Variants in CFAP46 observed in about 807,000 individuals in gnomAD.
CFAP46 encodes the protein cilia and flagella associated protein 46.
A neutral mutation model predicts 325.7 loss-of-function variants in CFAP46; 245 were observed. The ratio of observed to expected loss-of-function variants is 0.75; its 90% CI spans 0.68 to 0.84. The LOEUF (loss-of-function observed/expected upper bound fraction) is 0.84, where lower values mean the gene tolerates loss of function less well. Among genes scored for constraint, CFAP46 ranks in the 40% least tolerant of loss-of-function variants. The pLI, the probability that CFAP46 is intolerant of heterozygous loss-of-function variation, is 0.00. For synonymous variants in CFAP46, 1,523 were observed against 1,495.9 expected (o/e 1.02, Z -0.42); for missense variants, 3,346 against 3,543.0 (o/e 0.94, Z 1.41).
rs1309815024 is a variant in CFAP46 at position 132,818,307 on chromosome 10, C to T, written c.7118-3393G>A. Among the ~76,000 whole-genome samples the T allele has an allele frequency of 3.3e-5, 5 of 152,018 alleles. No individual in the cohort carries two copies. The East Asian group carries it at 9.7e-4, about 29-fold the overall frequency. On this transcript the variant is annotated intron_variant, in intron 50 of 57. Transcript: ENST00000368586. Reference sequence around the variant, plus strand: ...ACTTCACACTCCACAGAGTCCATCTCGGATGGCAGTTAGGTGGAAACGTGA... The same window carrying T: ...ACTTCACACTCCACAGAGTCCATCTTGGATGGCAGTTAGGTGGAAACGTGA...
intron 44 of CFAP46, among the ~76,000 whole-genome samples, chr10:132,842,398 C>G (rs1848360055): frequency 6.6e-6 from 1 of 152,234 alleles, no homozygotes; most frequent in African/African-American, 2.4e-5. Context: ...GCATTCTGGT[C>G]ACGACCACTT....
At chr10:132,859,385 C>T in intron 37 of CFAP46, 138 bp from the exon 38 acceptor site, 1 of 696,044 alleles carries the variant, frequency 1.4e-6, no homozygotes, top group South Asian at 1.9e-5. Context: ...TCTCGAAAAT[C>T]AACATCATAT....
chr10:132,891,260 T>A (rs1273339525), intron 25 of CFAP46, among the ~76,000 whole-genome samples: 1 of 152,168 alleles, frequency 6.6e-6, no homozygotes, highest in East Asian at 1.9e-4. Context: ...ACCGACTGAA[T>A]GGGCCCTCCT....
chr10:132,846,040 C>T lies in CFAP46; in HGVS notation c.6438+17G>A. ...CCAGAGCTGGGGGCAGGTTCAGCGG[C>T]ATCCGTGCCCGCTTACCTTGGACAC... On this transcript the variant is annotated intron_variant, in intron 44 of 57. Transcript: ENST00000368586. The T allele has an allele frequency of 6.3e-7, 1 of 1,595,272 alleles. No individual in the cohort carries two copies. The highest frequency in any genetic ancestry group is 8.5e-7 in the Non-Finnish European group (1 of 1,176,538).
chr10:132,869,308 C>T lies in CFAP46; in HGVS notation c.4576G>A (p.Gly1526Arg), dbSNP rs1298288024. The change falls in exon 33 of 58, where the codon GGG (glycine) becomes AGG (arginine). Residue 1526 changes from glycine (G) to arginine (R), a missense_variant. Transcript: ENST00000368586. This position sits in a 1 kb window ranked among gnomAD's most constrained non-coding sequence, Gnocchi z 6.2. Reference protein sequence around the residue: ...EAAARHEEAVGQVCVSELEQA... With the variant: ...EAAARHEEAVRQVCVSELEQA... ...TCCAGCTCGCTGACGCACACCTGCC[C>T]GACCGCCTCTTCATGGCGCGCGGCT... 3.6e-5 allele frequency: 56 copies of T among 1,539,412 alleles called. 1 individual carries two copies. Among genetic ancestry groups the T allele is most frequent in the Middle Eastern group, 3.9e-4 (2 of 5,130 alleles).
chr10:132,942,490 C>T lies in CFAP46; in HGVS notation c.-6G>A. On this transcript the variant is annotated 5_prime_UTR_variant, in exon 1 of 58. Coordinates refer to ENST00000368586, the MANE Select transcript of CFAP46 (RefSeq NM_001200049.3). ...TGCGTGATGACCAGGTCCATGGCGC[C>T]GGCGCCCTGCTCGTCCGCTCTCTCC... is the stretch of plus-strand genomic sequence containing the variant. The T allele has an allele frequency of 7.9e-7, 1 of 1,265,586 alleles. No homozygotes were observed. Among genetic ancestry groups the T allele is most frequent in the Non-Finnish European group, 9.9e-7 (1 of 1,009,042 alleles). 78.4% of individuals were successfully genotyped at this position (1,265,586 alleles called of 1,614,324 possible).
chr10:132,908,814 T>C (rs1365467087), intron 21 of CFAP46, among the ~76,000 whole-genome samples, 180 bp from the exon 22 acceptor site: 1 of 152,186 alleles, frequency 6.6e-6, no homozygotes, highest in African/African-American at 2.4e-5. Context: ...CTGATGTCCT[T>C]GTAGCTCCCA....
chr10:132,857,785 T>C lies in CFAP46; in HGVS notation c.5379A>G (p.Leu1793=). 1 of 1,536,566 alleles carries C rather than the reference T, an allele frequency of 6.5e-7. No homozygotes were observed. Among genetic ancestry groups the C allele is most frequent in the Non-Finnish European group, 8.8e-7 (1 of 1,142,450 alleles). The change falls in exon 39 of 58, where the codon TTA becomes TTG. Residue 1793 remains leucine, a synonymous_variant. Transcript: ENST00000368586. ...VKLERAKIKR[L]RAQNEKDEEQ... ...CTTCATCTTTCTCGTTCTGGGCACG[T>C]AACCTTTATAAGACATAAGAATGGA...
intron 50 of CFAP46, among the ~76,000 whole-genome samples, chr10:132,819,734 A>C (rs1847759611): frequency 6.6e-6 from 1 of 152,216 alleles, no homozygotes; most frequent in Admixed American, 6.5e-5. Context: ...ATCTACAAAA[A>C]CCAACTCAAA....
chr10:132,925,097 G>C (rs1038026346), intron 10 of CFAP46, among the ~76,000 whole-genome samples: 26 of 152,244 alleles, frequency 1.7e-4, no homozygotes, highest in African/African-American at 6.3e-4. Context: ...AGGAGGCTTG[G>C]CGGTGCCCAC....
chr10:132,820,037 T>C (rs953302294), intron 50 of CFAP46, among the ~76,000 whole-genome samples: 6 of 152,120 alleles, frequency 3.9e-5, no homozygotes, highest in African/African-American at 1.2e-4. Context: ...TATAATACAA[T>C]AGTAAAAAAC....
chr10:132,831,226 G>C (rs1848142136), intron 50 of CFAP46, among the ~76,000 whole-genome samples: 3 of 151,444 alleles, frequency 2.0e-5, no homozygotes, highest in Admixed American at 2.0e-4. Flanking sequence ...TGTTCTGTGT[G>C]TGTGTGTGTG....
At chr10:132,940,296 T>C (rs902708206) in intron 4 of CFAP46, among the ~76,000 whole-genome samples, 1 of 152,112 alleles carries the variant, frequency 6.6e-6, no homozygotes, top group African/African-American at 2.4e-5. Flanking sequence ...ATATGTGATA[T>C]ATGTTCAAGC....
In CFAP46 at chr10:132,843,667, G is replaced by A. The variant is rs561281787; in HGVS notation, c.6438+2390C>T. ...CTGTGGGGCTCTGGTCTCGGTGGGC[G>A]TTCCCAGGGTGCTGTGGGGCTGCTG... On this transcript the variant is annotated intron_variant, in intron 44 of 57. Transcript: ENST00000368586. Among the ~76,000 whole-genome samples, 170 of 130,100 alleles carry A rather than the reference G, an allele frequency of 1.3e-3. 1 individual carries two copies. Among genetic ancestry groups the A allele is most frequent in the African/African-American group, 4.5e-3 (158 of 34,986 alleles). 85.4% of individuals were successfully genotyped at this position (130,100 alleles called of 152,430 possible). A position where few individuals can be genotyped will look rare whatever the true frequency, so the allele number is the denominator to read the frequency against.
At chr10:132,902,763 C>G (rs1849408629) in intron 22 of CFAP46, among the ~76,000 whole-genome samples, 1 of 152,180 alleles carries the variant, frequency 6.6e-6, no homozygotes, top group Non-Finnish European at 1.5e-5. Flanking sequence ...TGTCCACTTC[C>G]TTTAAAGAGT....
In CFAP46 at chr10:132,919,929, G is replaced by C; in HGVS notation, c.1730+130C>G. ...GCAGGGACCTCGTCCCACCATCCTG[G>C]AGCAGGTGGCCTGGCGAGTCCCCAG... is the stretch of plus-strand genomic sequence containing the variant. On this transcript the variant is annotated intron_variant, in intron 14 of 57. Transcript: ENST00000368586. The surrounding 1 kb of genome is among the most constrained non-coding windows in gnomAD (Gnocchi z 9.7). 1 of 1,239,372 alleles carries C rather than the reference G, an allele frequency of 8.1e-7. No individual in the cohort carries two copies. Among genetic ancestry groups the C allele is most frequent in the African/African-American group, 1.5e-5 (1 of 64,988 alleles). 76.8% of individuals were successfully genotyped at this position (1,239,372 alleles called of 1,614,324 possible). A position where few individuals can be genotyped will look rare whatever the true frequency, so the allele number is the denominator to read the frequency against.
intron 12 of CFAP46, 80 bp from the exon 13 acceptor site, chr10:132,922,304 CT>C: frequency 6.7e-7 from 1 of 1,501,318 alleles, no homozygotes; most frequent in East Asian, 2.5e-5. Context: ...GCCTCCTGGC[CT>C]TTGGCAGGGG....
intron 13 of CFAP46, among the ~76,000 whole-genome samples, chr10:132,920,893 G>T (rs558402898): frequency 6.6e-6 from 1 of 152,228 alleles, no homozygotes; most frequent in Non-Finnish European, 1.5e-5. Flanking sequence ...AGCAGCACAC[G>T]CCCATGAGTG....
chr10:132,889,660 C>T lies in CFAP46; in HGVS notation c.3304+2673G>A, dbSNP rs1849227253. On this transcript the variant is annotated intron_variant, in intron 25 of 57. Coordinates refer to ENST00000368586, the MANE Select transcript of CFAP46 (RefSeq NM_001200049.3). The surrounding 1 kb of genome is among the most constrained non-coding windows in gnomAD (Gnocchi z 6.0). ...TGTCCTGGGACCACCCAGTACACATCCAATTCACGGGCGGAGGCACTGCAG... is the reference window on the plus strand; with the variant it reads ...TGTCCTGGGACCACCCAGTACACATTCAATTCACGGGCGGAGGCACTGCAG... Among the ~76,000 whole-genome samples, 1 of 152,200 alleles carries T rather than the reference C, an allele frequency of 6.6e-6. No homozygotes were observed.
Sources: allele counts gnomAD v4.1 joint callset (sites outside exome capture counted in the v4.1 genomes callset), GRCh38; gene constraint gnomAD v4.1.1; non-coding constraint Gnocchi (gnomAD v3.1); transcripts MANE v1.5; gene names NCBI Gene and HGNC (gene_info 2026-07-23, HGNC 2026-07-21).